Variants in STARD9 observed in about 807,000 individuals in gnomAD.
STARD9 encodes the protein StAR related lipid transfer domain containing 9, also known as stAR-related lipid transfer protein 9.
STARD9 carries 346 observed loss-of-function variants against 399.8 expected under a neutral mutation model. The observed-to-expected ratio is 0.87, with a 90% CI of 0.79 to 0.95. The LOEUF (loss-of-function observed/expected upper bound fraction) is 0.95, where lower values mean the gene tolerates loss of function less well. STARD9 is among the 40% of genes least tolerant of loss of function. The probability of loss-of-function intolerance (pLI) is 0.00; values close to 1 mark genes in which losing one functional copy is unlikely to be tolerated. For synonymous variants in STARD9, 2,203 were observed against 2,143.5 expected, an observed-to-expected ratio of 1.03 and a Z score of -0.77; for missense variants, 5,832 against 5,667.5, an observed-to-expected ratio of 1.03 and a Z score of -0.93.
chr15:42,600,858 CTTTCT>C (rs2058607060), intron 3 of STARD9, among the ~76,000 whole-genome samples: 1 of 141,344 alleles, frequency 7.1e-6, no homozygotes, highest in African/African-American at 2.6e-5. Flanking sequence ...ATCTGTTTTT[CTTTCT>C]TTTTTTTTTT....
Position 42,684,322 on chromosome 15 carries a change from C to G in STARD9, c.2744C>G (p.Ala915Gly). 6.5e-7 allele frequency: 1 copy of G among 1,536,616 alleles called. No homozygotes were observed. The highest frequency in any genetic ancestry group is 8.7e-7 in the Non-Finnish European group (1 of 1,146,536). The change falls in exon 23 of 33, where the codon GCC (alanine) becomes GGC (glycine). Residue 915 changes from alanine to glycine, a missense_variant. Coordinates refer to ENST00000290607, the MANE Select transcript of STARD9 (RefSeq NM_020759.3). ...TARAALARKG[A>G]SAPDACLTMS... ...AGAGCAGCCTTGGCCAGGAAGGGAG[C>G]CTCAGCTCCAGACGCTTGCCTCACC...
At chr15:42,639,756 C>G (rs1037308615) in intron 7 of STARD9, among the ~76,000 whole-genome samples, 8 of 151,484 alleles carry the variant, frequency 5.3e-5, no homozygotes. Context: ...CCCAGCTACT[C>G]GGGAGGCTGA....
intron 3 of STARD9, among the ~76,000 whole-genome samples, chr15:42,589,288 G>C (rs1229046739): frequency 6.6e-6 from 1 of 152,174 alleles, no homozygotes; most frequent in Non-Finnish European, 1.5e-5. Flanking sequence ...CTGGGCTCAA[G>C]TGATCCTCCC....
intron 4 of STARD9, among the ~76,000 whole-genome samples, chr15:42,637,107 A>C (rs1335827824): frequency 6.6e-6 from 1 of 151,982 alleles, no homozygotes; most frequent in Non-Finnish European, 1.5e-5. Flanking sequence ...TTGGCCACTA[A>C]ACGAAAAGTA....
At position 42,575,709 on chromosome 15, in the gene STARD9, C is replaced by T. The variant is rs1466261778; in HGVS notation, c.-7C>T. On this transcript the variant is annotated 5_prime_UTR_variant, in exon 1 of 33. Coordinates refer to ENST00000290607, the MANE Select transcript of STARD9 (RefSeq NM_020759.3). ...CTGACCCGCTGGACTTGGGTTGTGG[C>T]AGACGGATGGCGAACGTGCAGGTCG... 5 of 1,536,556 alleles carry T rather than the reference C, an allele frequency of 3.3e-6. No homozygotes were observed. The highest frequency in any genetic ancestry group is 1.2e-5 in the South Asian group (1 of 84,040).
chr15:42,618,761 T>A (rs1383928538), intron 3 of STARD9, among the ~76,000 whole-genome samples: 1 of 151,306 alleles, frequency 6.6e-6, no homozygotes, highest in African/African-American at 2.5e-5. Context: ...CACGCCTGGC[T>A]AATTTTTGTA....
intron 26 of STARD9, among the ~76,000 whole-genome samples, chr15:42,704,468 A>G (rs544982609): frequency 3.9e-5 from 6 of 152,220 alleles, no homozygotes; most frequent in East Asian, 3.9e-4. Context: ...ATATATTCCA[A>G]TTTTTGCAAT....
At chr15:42,680,147 A>G (rs2060396068) in intron 20 of STARD9, among the ~76,000 whole-genome samples, 1 of 152,202 alleles carries the variant, frequency 6.6e-6, no homozygotes, top group Non-Finnish European at 1.5e-5. Context: ...CCTAAATGAC[A>G]GGGATGAAGA....
chr15:42,648,535 A>C lies in STARD9; in HGVS notation c.560-2481A>C, dbSNP rs537026800. On this transcript the variant is annotated intron_variant, in intron 7 of 32. Transcript: ENST00000290607. ...AATTGATGGTTATTTTCTTTTAGTC[A>C]TTAAAAATTATACCATTCTCTTCTG... Among the ~76,000 whole-genome samples, 3 of 152,326 alleles carry C rather than the reference A, an allele frequency of 2.0e-5. No homozygotes were observed. In the East Asian group the frequency reaches 5.8e-4, roughly 29 times the overall value.
At chr15:42,698,654 C>T (rs902742429) in intron 26 of STARD9, among the ~76,000 whole-genome samples, 11 of 152,034 alleles carry the variant, frequency 7.2e-5, no homozygotes, top group Admixed American at 2.0e-4. Context: ...TATATTTGTC[C>T]GTTTTCCTTT....
chr15:42,624,949 T>C (rs969388045), intron 3 of STARD9, among the ~76,000 whole-genome samples: 1 of 152,262 alleles, frequency 6.6e-6, no homozygotes, highest in African/African-American at 2.4e-5. Context: ...TATAATTCTT[T>C]TATTTTAACA....
rs1029392301 is a variant in STARD9, at chr15:42,688,818, A to G, written c.7240A>G (p.Met2414Val). 8.5e-6 allele frequency: 13 copies of G among 1,537,264 alleles called. No individual in the cohort carries two copies. The highest frequency in any genetic ancestry group is 7.3e-5 in the East Asian group (3 of 40,926). The part of the protein sequence containing the change: ...HTAWCGSVRS[M>V]AMGSHSQSGV... ...TGCCTGGTGTGGGTCTGTGCGATCC[A>G]TGGCCATGGGATCTCATAGTCAATC... Residue 2414 changes from methionine (M) to valine (V), a missense_variant, in exon 23 of 33, where the codon ATG (methionine) becomes GTG (valine). Around this residue, in one of 2 missense-constraint regions of STARD9, gnomAD observed 5,828 missense variants for 5,651.1 expected, o/e 1.03. Transcript: ENST00000290607.
At chr15:42,712,077 TATATTA>T (rs1171497177) in intron 26 of STARD9, among the ~76,000 whole-genome samples, 1 of 42,834 alleles carries the variant, frequency 2.3e-5, no homozygotes, top group African/African-American at 4.1e-4. Context: ...TATATATATA[TATATTA>T]TATATATATA....
chr15:42,581,464 G>T lies in STARD9; in HGVS notation c.48-1882G>T, dbSNP rs1195504003. The T allele has an allele frequency of 2.1e-5, 32 of 1,528,152 alleles. 1 individual carries two copies. In the East Asian group the frequency reaches 6.7e-4, roughly 32 times the overall value. 94.7% of individuals were successfully genotyped at this position (1,528,152 alleles called of 1,614,324 possible). ...AAGGCGCGGCTCTGGCTGGGCTGGTGGCCGCTGCCAGCGGAGGAGGACATG... is the reference window on the plus strand; with the variant it reads ...AAGGCGCGGCTCTGGCTGGGCTGGTTGCCGCTGCCAGCGGAGGAGGACATG... On this transcript the variant is annotated intron_variant, in intron 1 of 32. Coordinates refer to ENST00000290607, the MANE Select transcript of STARD9 (RefSeq NM_020759.3).
intron 14 of STARD9, 75 bp downstream of exon 14, chr15:42,665,405 C>A: frequency 8.6e-7 from 1 of 1,162,378 alleles, no homozygotes; most frequent in South Asian, 1.3e-5. Context: ...TCCATAGAGT[C>A]TGGGCCCTGC....
At position 42,591,419 on chromosome 15, in the gene STARD9, C is replaced by T. The variant is rs147473758; in HGVS notation, c.234+5782C>T. 2.9e-3 allele frequency among the ~76,000 whole-genome samples: 443 copies of T among 151,214 alleles called. 2 individuals are homozygous for T. The highest frequency in any genetic ancestry group is 0.028 in the Middle Eastern group (8 of 290). The stretch of plus-strand genomic sequence containing the variant: ...AGGAGAATTGCTTTAACCCGGGAAG[C>T]GGTGGTTGCAGTAAGCCGAGATCGC... On this transcript the variant is annotated intron_variant, in intron 3 of 32. Transcript: ENST00000290607.
chr15:42,621,417 A>G (rs1372955309), intron 3 of STARD9, among the ~76,000 whole-genome samples: 1 of 152,208 alleles, frequency 6.6e-6, no homozygotes, highest in Non-Finnish European at 1.5e-5. Context: ...AAAATTTTAG[A>G]CAAATTTAAC....
chr15:42,626,497 C>CTT (rs766581586), intron 3 of STARD9, among the ~76,000 whole-genome samples: 5 of 140,464 alleles, frequency 3.6e-5, no homozygotes, highest in African/African-American at 1.3e-4. Context: ...TCTTCCTCTT[C>CTT]TTTTTTTTTT....
At position 42,616,673 on chromosome 15, in the gene STARD9, C is replaced by T. The variant is rs2058968617; in HGVS notation, c.235-18183C>T. 1.3e-5 allele frequency among the ~76,000 whole-genome samples: 2 copies of T among 152,058 alleles called. 1 individual carries two copies. The highest frequency in any genetic ancestry group is 4.2e-4 in the South Asian group (2 of 4,808). Reference sequence around the variant, plus strand: ...TTGGGGGGCTGAGGTGGGCGGATCACCAGGTCAGGAGATCGAGACCATCCT... The same window carrying T: ...TTGGGGGGCTGAGGTGGGCGGATCATCAGGTCAGGAGATCGAGACCATCCT... On this transcript the variant is annotated intron_variant, in intron 3 of 32. Transcript: ENST00000290607.
Sources: gnomAD v4.1 joint callset for allele counts (sites outside exome capture counted in the v4.1 genomes callset) on GRCh38, gnomAD v4.1.1 for gene constraint, gnomAD v4.1.1 regional missense constraint, MANE v1.5 for transcripts, NCBI Gene and HGNC (gene_info 2026-07-23, HGNC 2026-07-21) for gene names.